Variants in ADGRL3 observed in about 807,000 individuals in gnomAD.
ADGRL3 encodes the protein adhesion G protein-coupled receptor L3.
Under a neutral mutation model 153.5 loss-of-function variants are expected in ADGRL3, and 62 were observed. That is an observed-to-expected ratio of 0.40 (90% CI 0.33 to 0.50). ADGRL3 has a LOEUF of 0.50. ADGRL3 is among the 20% of genes least tolerant of loss of function. The pLI is 0.47. For missense variants in ADGRL3, 1,641 were observed against 1,859.4 expected (o/e 0.88, Z 2.16); for synonymous variants, 710 against 672.5 (o/e 1.06, Z -0.86).
At chr4:61,932,224 G>T (rs545267528) in intron 13 of ADGRL3, among the ~76,000 whole-genome samples, 150 of 152,138 alleles carry the variant, frequency 9.9e-4, no homozygotes, top group Non-Finnish European at 1.8e-3. Flanking sequence ...ATACTATGTT[G>T]AATAGTGGCA....
intron 21 of ADGRL3, among the ~76,000 whole-genome samples, chr4:62,003,089 T>C (rs918439230): frequency 6.6e-6 from 1 of 152,126 alleles, no homozygotes; most frequent in Non-Finnish European, 1.5e-5. Context: ...GAAGAAAAAG[T>C]GAAATAATGG....
At chr4:61,812,333 G>A (rs1389486124) in intron 8 of ADGRL3, among the ~76,000 whole-genome samples, 1 of 152,140 alleles carries the variant, frequency 6.6e-6, no homozygotes, top group African/African-American at 2.4e-5. Flanking sequence ...AAAATGCTGG[G>A]AGCAAAGGCA....
intron 5 of ADGRL3, among the ~76,000 whole-genome samples, chr4:61,620,323 G>A (rs1477353884): frequency 1.3e-5 from 2 of 152,186 alleles, no homozygotes; most frequent in Non-Finnish European, 2.9e-5. Flanking sequence ...GTAGATGGAT[G>A]AGTGGTAACT....
intron 4 of ADGRL3, among the ~76,000 whole-genome samples, chr4:61,547,052 T>C (rs918522162): frequency 6.6e-6 from 1 of 152,198 alleles, no homozygotes; most frequent in African/African-American, 2.4e-5. Context: ...ATCAATTAGC[T>C]GTATAGAAAT....
chr4:61,233,573 G>C (rs1751644510), intron 1 of ADGRL3, among the ~76,000 whole-genome samples: 2 of 152,058 alleles, frequency 1.3e-5, no homozygotes, highest in African/African-American at 4.8e-5. Flanking sequence ...AAGAGTTGAA[G>C]GATGTCAATA....
chr4:61,357,995 G>C (rs1386302773), intron 1 of ADGRL3, among the ~76,000 whole-genome samples: 4 of 152,088 alleles, frequency 2.6e-5, no homozygotes, highest in African/African-American at 9.7e-5. Flanking sequence ...TTCTAATAGG[G>C]AATTGCAAGT....
intron 9 of ADGRL3, among the ~76,000 whole-genome samples, chr4:61,831,629 A>T (rs1035912193): frequency 6.6e-6 from 1 of 152,056 alleles, no homozygotes; most frequent in Non-Finnish European, 1.5e-5. Context: ...TCGTCAATAG[A>T]TACATTAGTC....
At chr4:61,678,802 G>C (rs2095270093) in intron 6 of ADGRL3, among the ~76,000 whole-genome samples, 1 of 152,022 alleles carries the variant, frequency 6.6e-6, no homozygotes. Flanking sequence ...GCCTGATCGT[G>C]TCTGTTTAAA....
At chr4:61,308,671 G>A (rs2094891018) in intron 1 of ADGRL3, among the ~76,000 whole-genome samples, 1 of 152,182 alleles carries the variant, frequency 6.6e-6, no homozygotes, top group African/African-American at 2.4e-5. Flanking sequence ...AATTAAAAAT[G>A]GAGGCTGTTG....
chr4:61,631,202 T>C (rs2093145168), intron 5 of ADGRL3, among the ~76,000 whole-genome samples: 2 of 152,308 alleles, frequency 1.3e-5, no homozygotes, highest in Admixed American at 6.5e-5. Flanking sequence ...ATCTCCGTAA[T>C]CCTGACTTCA....
At chr4:62,005,541 G>A (rs1025940185) in intron 21 of ADGRL3, among the ~76,000 whole-genome samples, 19 of 152,048 alleles carry the variant, frequency 1.2e-4, no homozygotes, top group Admixed American at 8.5e-4. Flanking sequence ...CTATCTAAGG[G>A]GAAAATGTCT....
In ADGRL3 at chr4:61,678,854, G is replaced by A. The variant is rs2095271092; in HGVS notation, c.583+1919G>A. Among the ~76,000 whole-genome samples the A allele has an allele frequency of 2.6e-5, 4 of 151,874 alleles. No homozygotes were observed. The South Asian group carries it at 8.3e-4, about 32-fold the overall frequency. ...TCAGTTAAAAGTATAATGCAGAATTGGAATTCATTTAATAAATTTAACACG... is the reference window on the plus strand; with the variant it reads ...TCAGTTAAAAGTATAATGCAGAATTAGAATTCATTTAATAAATTTAACACG... On this transcript the variant is annotated intron_variant, in intron 6 of 26. Transcript: ENST00000683033.
intron 2 of ADGRL3, among the ~76,000 whole-genome samples, chr4:61,433,403 A>G (rs2097400967): frequency 6.6e-6 from 1 of 152,026 alleles, no homozygotes; most frequent in South Asian, 2.1e-4. Flanking sequence ...TACTAAAGCT[A>G]TAATGTCTAT....
chr4:61,295,070 T>A (rs147284222), intron 1 of ADGRL3, among the ~76,000 whole-genome samples: 24 of 152,262 alleles, frequency 1.6e-4, no homozygotes, highest in African/African-American at 5.5e-4. Flanking sequence ...TCCTGAGTAG[T>A]GTGATGAAAT....
intron 1 of ADGRL3, among the ~76,000 whole-genome samples, chr4:61,374,976 T>TC (rs545930289): frequency 6.6e-6 from 1 of 152,192 alleles, no homozygotes; most frequent in South Asian, 2.1e-4. Context: ...TGAGAACACT[T>TC]CATTAGATGC....
chr4:61,525,585 G>C (rs985159670), intron 4 of ADGRL3, among the ~76,000 whole-genome samples: 3 of 152,100 alleles, frequency 2.0e-5, no homozygotes, highest in African/African-American at 7.2e-5. Context: ...AGGATAGAGT[G>C]GGACTTAAAA....
At chr4:61,402,197 T>C (rs962122448) in intron 2 of ADGRL3, among the ~76,000 whole-genome samples, 2 of 152,108 alleles carry the variant, frequency 1.3e-5, no homozygotes, top group Non-Finnish European at 2.9e-5. Flanking sequence ...AAATTAATCT[T>C]GTGGGCTGTA....
At chr4:61,677,670 T>C (rs535731688) in intron 6 of ADGRL3, among the ~76,000 whole-genome samples, 1 of 152,166 alleles carries the variant, frequency 6.6e-6, no homozygotes, top group Admixed American at 6.6e-5. Context: ...CAGGAAATTA[T>C]GTATTCTCAT....
At chr4:61,265,704 C>T (rs2092809043) in intron 1 of ADGRL3, among the ~76,000 whole-genome samples, 1 of 151,814 alleles carries the variant, frequency 6.6e-6, no homozygotes, top group Non-Finnish European at 1.5e-5. Flanking sequence ...CTGAATCAAA[C>T]TGGCCTTTGA....
Sources: gnomAD v4.1 joint callset for allele counts (sites outside exome capture counted in the v4.1 genomes callset) on GRCh38, gnomAD v4.1.1 for gene constraint, MANE v1.5 for transcripts, NCBI Gene and HGNC (gene_info 2026-07-23, HGNC 2026-07-21) for gene names.